The following PAX8 variants were observed in gnomAD, a reference collection of about 807,000 sequenced individuals.
PAX8 encodes the protein paired box protein Pax-8.
In PAX8, 15 loss-of-function variants were observed where a neutral mutation model predicts 52.4. That is an observed-to-expected ratio of 0.29 (90% CI 0.19 to 0.44). PAX8 has a LOEUF of 0.44. Among genes scored for constraint, PAX8 ranks in the 20% least tolerant of loss-of-function variants. The pLI is 1.00. For missense variants in PAX8, 554 were observed against 602.5 expected (o/e 0.92, Z 0.84); for synonymous variants, 284 against 249.7 (o/e 1.14, Z -1.29).
At chr2:113,244,752 A>T in intron 3 of PAX8, 128 bp from the exon 4 acceptor site, 1 of 866,618 alleles carries the variant, frequency 1.2e-6, no homozygotes, top group South Asian at 1.4e-5. Context: ...TGTGCCTCCA[A>T]GGCTGGTCTC....
intron 1 of PAX8, 138 bp from the exon 2 acceptor site, chr2:113,278,607 C>A (rs1693996276): frequency 3.7e-6 from 3 of 811,004 alleles, no homozygotes; most frequent in Non-Finnish European, 5.8e-6. Flanking sequence ...GTAGGGCCAA[C>A]CTCAGCCTAG....
At chr2:113,269,893 C>G (rs1398852361) in intron 2 of PAX8, 1 of 152,172 alleles carries the variant, frequency 6.6e-6, no homozygotes, top group Non-Finnish European at 1.5e-5. Context: ...TCTATTAAAC[C>G]CTTAGAATGT....
Position 113,218,194 on chromosome 2 carries a change from A to G in PAX8, c.*339T>C, listed in dbSNP as rs1689092522. The G allele has an allele frequency of 6.9e-6, 2 of 287,984 alleles. No individual in the cohort carries two copies. Among genetic ancestry groups the G allele is most frequent in the African/African-American group, 4.3e-5 (2 of 46,916 alleles). The allele number at this position is 287,984 out of a possible 1,614,324, so 17.8% of individuals were successfully genotyped here. ...TGGGCCCGGGCAGGAACCATTCGCCATCCCCCCAAGTTCCTCGGCTATTGC... is the reference window on the plus strand; with the variant it reads ...TGGGCCCGGGCAGGAACCATTCGCCGTCCCCCCAAGTTCCTCGGCTATTGC... On this transcript the variant is annotated 3_prime_UTR_variant, in exon 12 of 12. Coordinates refer to ENST00000429538, the MANE Select transcript of PAX8 (RefSeq NM_003466.4).
At chr2:113,255,048 G>A (rs1245893528) in intron 2 of PAX8, among the ~76,000 whole-genome samples, 2 of 150,184 alleles carry the variant, frequency 1.3e-5, no homozygotes, top group African/African-American at 4.9e-5. Flanking sequence ...GGAAGGAAGG[G>A]AAGGAGGAAG....
chr2:113,225,914 T>G (rs551768396), intron 10 of PAX8: 2 of 976,902 alleles, frequency 2.0e-6, no homozygotes, highest in South Asian at 9.5e-5. Flanking sequence ...TTTTTTATCT[T>G]GACCAATCTC....
Position 113,217,856 on chromosome 2 carries a change from G to A in PAX8, c.*677C>T, listed in dbSNP as rs541116661. The A allele has an allele frequency of 3.4e-5, 8 of 233,286 alleles. No individual in the cohort carries two copies. In the South Asian group the frequency reaches 1.4e-3, roughly 42 times the overall value. The allele number at this position is 233,286 out of a possible 1,614,324, so 14.5% of individuals were successfully genotyped here. Reference sequence around the variant, plus strand: ...GCACTGCAGGAGGACCTGGGGTGGTGCTATACCTTCACAGCAGCAGGCAAA... The same window carrying A: ...GCACTGCAGGAGGACCTGGGGTGGTACTATACCTTCACAGCAGCAGGCAAA... On this transcript the variant is annotated 3_prime_UTR_variant, in exon 12 of 12. Transcript: ENST00000429538.
intron 3 of PAX8, among the ~76,000 whole-genome samples, chr2:113,246,186 T>G (rs960666447): frequency 5.3e-5 from 8 of 152,246 alleles, no homozygotes; most frequent in African/African-American, 1.9e-4. Flanking sequence ...TTGCGCCTAT[T>G]TCCCTAAAGT....
intron 2 of PAX8, chr2:113,272,909 A>C (rs1693561198): frequency 6.6e-6 from 1 of 152,134 alleles, no homozygotes; most frequent in Admixed American, 6.5e-5. Flanking sequence ...GAAGGGGGGC[A>C]GTGCACCAAG....
intron 9 of PAX8, among the ~76,000 whole-genome samples, chr2:113,228,850 A>G (rs1689733280): frequency 6.6e-6 from 1 of 152,184 alleles, no homozygotes; most frequent in Non-Finnish European, 1.5e-5. Flanking sequence ...GTGCCTGGTC[A>G]TGACAGAAGG....
intron 3 of PAX8, among the ~76,000 whole-genome samples, chr2:113,245,591 C>A (rs1171951608): frequency 1.3e-5 from 2 of 152,210 alleles, no homozygotes; most frequent in African/African-American, 2.4e-5. Flanking sequence ...TGAGCCTCCT[C>A]TTCTGGGGCC....
At chr2:113,218,756 T>C in intron 11 of PAX8, 147 bp from the exon 12 acceptor site, 1 of 569,778 alleles carries the variant, frequency 1.8e-6, no homozygotes, top group Non-Finnish European at 3.1e-6. Flanking sequence ...GATTAACTCC[T>C]CTCCAGCCCT....
At chr2:113,224,056 G>GAA (rs1689403634) in intron 10 of PAX8, among the ~76,000 whole-genome samples, 1 of 152,142 alleles carries the variant, frequency 6.6e-6, no homozygotes, top group South Asian at 2.1e-4. Context: ...AAAAGGGGAT[G>GAA]AAAAGATGGA....
intron 9 of PAX8, among the ~76,000 whole-genome samples, chr2:113,227,852 T>C (rs955701965): frequency 6.6e-6 from 1 of 152,194 alleles, no homozygotes; most frequent in Non-Finnish European, 1.5e-5. Flanking sequence ...ATGCAATCTA[T>C]CAGAGTTGCC....
At chr2:113,233,457 G>A (rs1296633890) in intron 9 of PAX8, among the ~76,000 whole-genome samples, 3 of 151,970 alleles carry the variant, frequency 2.0e-5, no homozygotes, top group African/African-American at 4.8e-5. Flanking sequence ...CAAGGTGGGC[G>A]GACCAAGGTC....
chr2:113,257,475 G>A (rs957471119), intron 2 of PAX8, among the ~76,000 whole-genome samples: 19 of 152,132 alleles, frequency 1.2e-4, no homozygotes, highest in East Asian at 9.6e-4. Flanking sequence ...TCTTCCAATC[G>A]AATGTGATAT....
At position 113,216,761 on chromosome 2, in the gene PAX8, T is replaced by C. The variant is rs1429284483; in HGVS notation, c.*1772A>G. ...GAACCTCCACTGGGTCTAGAACCATTTGGCATCCCTGATGAGGACTCTGGG... is the reference window on the plus strand; with the variant it reads ...GAACCTCCACTGGGTCTAGAACCATCTGGCATCCCTGATGAGGACTCTGGG... On this transcript the variant is annotated 3_prime_UTR_variant, in exon 12 of 12. Coordinates refer to ENST00000429538, the MANE Select transcript of PAX8 (RefSeq NM_003466.4). The C allele has an allele frequency of 8.8e-6, 2 of 227,566 alleles. No homozygotes were observed. Among genetic ancestry groups the C allele is most frequent in the Admixed American group, 1.1e-4 (2 of 17,558 alleles). The allele number at this position is 227,566 out of a possible 1,614,324, so 14.1% of individuals were successfully genotyped here. A position where few individuals can be genotyped will look rare whatever the true frequency, so the allele number is the denominator to read the frequency against.
chr2:113,277,712 G>C (rs766075305), intron 2 of PAX8, among the ~76,000 whole-genome samples: 1 of 152,194 alleles, frequency 6.6e-6, no homozygotes, highest in African/African-American at 2.4e-5. Context: ...CTGGGAGCTC[G>C]AGTGTGTTTG....
intron 3 of PAX8, among the ~76,000 whole-genome samples, chr2:113,245,050 T>TG (rs1343352764): frequency 1.4e-5 from 2 of 146,386 alleles, no homozygotes; most frequent in East Asian, 3.9e-4. Context: ...TTTTTGTTTT[T>TG]TTTTTTTGTT....
intron 2 of PAX8, among the ~76,000 whole-genome samples, chr2:113,256,650 GTGTGTATA>G (rs757526999): frequency 4.1e-5 from 6 of 147,546 alleles, no homozygotes; most frequent in Non-Finnish European, 7.4e-5. Context: ...GTGTGTGTGT[GTGTGTATA>G]TATATATATA....
Sources: gnomAD v4.1 joint callset for allele counts (sites outside exome capture counted in the v4.1 genomes callset) on GRCh38, gnomAD v4.1.1 for gene constraint, MANE v1.5 for transcripts, NCBI Gene and HGNC (gene_info 2026-07-23, HGNC 2026-07-21) for gene names.